The following ODF2L variants were observed in gnomAD, a reference collection of about 807,000 sequenced individuals.
ODF2L encodes the protein outer dense fiber of sperm tails 2 like, also known as protein BCAP.
A neutral mutation model predicts 86.3 loss-of-function variants in ODF2L; 76 were observed. The observed-to-expected ratio is 0.88, with a 90% CI of 0.73 to 1.07. ODF2L has a LOEUF of 1.07. ODF2L is among the 50% of genes least tolerant of loss of function. ODF2L has a pLI of 0.00. For missense variants in ODF2L, 748 were observed against 717.4 expected, an observed-to-expected ratio of 1.04 and a Z score of -0.49; for synonymous variants, 241 against 231.3, an observed-to-expected ratio of 1.04 and a Z score of -0.38.
intron 4 of ODF2L, among the ~76,000 whole-genome samples, 191 bp downstream of exon 4, chr1:86,384,483 TAC>T (rs1558056305): frequency 1.3e-5 from 2 of 151,728 alleles, no homozygotes; most frequent in African/African-American, 4.8e-5. Context: ...AAAATAAAAA[TAC>T]ATTTTCTATA....
chr1:86,364,371 T>C (rs1187787921), intron 11 of ODF2L, among the ~76,000 whole-genome samples: 4 of 152,098 alleles, frequency 2.6e-5, no homozygotes, highest in Non-Finnish European at 4.4e-5. Flanking sequence ...TGAGAAGACT[T>C]TGGGAGGAAG....
chr1:86,348,742 T>C (rs781473590), downstream of ODF2L: 77 of 1,466,454 alleles, frequency 5.3e-5, no homozygotes, highest in Non-Finnish European at 6.7e-5. Flanking sequence ...GAAAATAAAT[T>C]TGACAATTTA....
At position 86,355,277 on chromosome 1, in the gene ODF2L, G is replaced by A. The variant is rs775056241; in HGVS notation, c.1519-418C>T. ...TTAATAATTGAGTATCTGTGAAGTC[G>A]AAACTGTAAATAAAATACATATTTT... On this transcript the variant is annotated intron_variant, in intron 14 of 17. Coordinates refer to ENST00000317336, the Ensembl canonical transcript of ODF2L. 67 of 1,038,010 alleles carry A rather than the reference G, an allele frequency of 6.5e-5. No individual in the cohort carries two copies. The East Asian group carries it at 6.8e-4, about 11-fold the overall frequency. 64.3% of individuals were successfully genotyped at this position (1,038,010 alleles called of 1,614,324 possible).
At chr1:86,347,922 C>G (rs948897341), downstream of ODF2L, 2 of 152,114 alleles carry the variant, frequency 1.3e-5, no homozygotes, top group African/African-American at 4.8e-5. Flanking sequence ...ATACTAAAGA[C>G]CTTATTTTAA....
exon 18 of ODF2L, chr1:86,351,870 A>C (rs111815942): frequency 0.017 from 17,861 of 1,044,254 alleles, 183 homozygotes; most frequent in South Asian, 0.042. Context: ...AATGGGATCT[A>C]TTTATTTTAC....
chr1:86,395,978 C>G (rs1161579098), intron 1 of ODF2L, 55 bp downstream of exon 1: 1 of 152,292 alleles, frequency 6.6e-6, no homozygotes, highest in East Asian at 1.9e-4. Flanking sequence ...CGGTAAACGC[C>G]CAGCAGCAGC....
intron 12 of ODF2L, among the ~76,000 whole-genome samples, chr1:86,359,421 G>A (rs567886351): frequency 6.6e-6 from 1 of 151,880 alleles, no homozygotes; most frequent in East Asian, 1.9e-4. Context: ...ATTCTAACTG[G>A]ATGTCTCAAC....
At chr1:86,375,695 A>C (rs763669262) in intron 8 of ODF2L, among the ~76,000 whole-genome samples, 2 of 152,206 alleles carry the variant, frequency 1.3e-5, no homozygotes, top group Non-Finnish European at 2.9e-5. Context: ...CAGAGATTAA[A>C]TTAGGTTAAT....
chr1:86,394,700 T>C (rs558355963), intron 1 of ODF2L, among the ~76,000 whole-genome samples: 27 of 152,198 alleles, frequency 1.8e-4, no homozygotes, highest in African/African-American at 6.3e-4. Context: ...ACACTATAAA[T>C]ACACATCCAT....
intron 16 of ODF2L, among the ~76,000 whole-genome samples, 154 bp from the exon 16 acceptor site, chr1:86,353,138 G>A (rs950343136): frequency 3.9e-5 from 6 of 152,110 alleles, no homozygotes; most frequent in Non-Finnish European, 4.4e-5. Context: ...CATATATAGC[G>A]TAAGTATATA....
chr1:86,355,354 G>A (rs1163263951), intron 14 of ODF2L: 2 of 1,537,436 alleles, frequency 1.3e-6, no homozygotes, highest in African/African-American at 1.4e-5. Context: ...CCCATGCCAA[G>A]ACAGAATATT....
chr1:86,384,897 CAAA>C, intron 3 of ODF2L, 96 bp from the exon 4 acceptor site: 1 of 955,192 alleles, frequency 1.0e-6, no homozygotes, highest in South Asian at 2.9e-5. Context: ...TCCTACTAAA[CAAA>C]ATCATTCTTT....
chr1:86,348,356 TATATC>T (rs994932989), downstream of ODF2L: 1 of 151,446 alleles, frequency 6.6e-6, no homozygotes, highest in Non-Finnish European at 1.5e-5. Context: ...TTTACATTTA[TATATC>T]ATAATATAAA....
chr1:86,375,135 G>A (rs1448513065), intron 8 of ODF2L: 1 of 152,068 alleles, frequency 6.6e-6, no homozygotes, highest in Admixed American at 6.6e-5. Context: ...AGGCCTCTCT[G>A]AAGAGATGTC....
At chr1:86,384,729 T>G (rs754127013) in exon 4 of ODF2L, 2 of 1,532,922 alleles carry the variant, frequency 1.3e-6, no homozygotes, top group Admixed American at 4.2e-5. Flanking sequence ...TTTACACTTT[T>G]GAAGGTGTCT....
chr1:86,371,249 G>A, intron 9 of ODF2L, 96 bp from the exon 10 acceptor site: 3 of 577,576 alleles, frequency 5.2e-6, no homozygotes, highest in Non-Finnish European at 8.5e-6. Flanking sequence ...TTGGCCGGGT[G>A]CATCGTTTCA....
intron 7 of ODF2L, 122 bp downstream of exon 7, chr1:86,382,120 A>AT: frequency 7.9e-7 from 1 of 1,263,124 alleles, no homozygotes; most frequent in Non-Finnish European, 1.0e-6. Flanking sequence ...TTAAATATGT[A>AT]TTTCCCATGT....
At chr1:86,395,149 GTTTC>G (rs746284691) in intron 1 of ODF2L, among the ~76,000 whole-genome samples, 2 of 152,144 alleles carry the variant, frequency 1.3e-5, no homozygotes, top group African/African-American at 2.4e-5. Context: ...GGCCCGGTTT[GTTTC>G]TTTAACCTTA....
At chr1:86,364,034 A>G (rs993645377) in intron 11 of ODF2L, among the ~76,000 whole-genome samples, 1 of 152,182 alleles carries the variant, frequency 6.6e-6, no homozygotes, top group Non-Finnish European at 1.5e-5. Context: ...TTAAAAATCC[A>G]GAAAATAATG....
Sources: gnomAD v4.1 joint callset for allele counts (sites outside exome capture counted in the v4.1 genomes callset) on GRCh38, gnomAD v4.1.1 for gene constraint, MANE v1.5 for transcripts, NCBI Gene and HGNC (gene_info 2026-07-23, HGNC 2026-07-21) for gene names.